The following SEPTIN14 variants were observed in gnomAD, a reference collection of about 807,000 sequenced individuals.
SEPTIN14 encodes the protein septin 14, also known as septin-14.
Under a neutral mutation model 53.6 loss-of-function variants are expected in SEPTIN14, and 40 were observed. That is an observed-to-expected ratio of 0.75 (90% confidence interval 0.58 to 0.97). The LOEUF (loss-of-function observed/expected upper bound fraction) is 0.97. Ranked by LOEUF, SEPTIN14 falls within the 50% of genes least tolerant of loss-of-function variation. SEPTIN14 has a pLI of 0.00. For missense variants in SEPTIN14, 471 were observed against 508.2 expected (o/e 0.93, Z 0.70); for synonymous variants, 138 against 166.8 (o/e 0.83, Z 1.33).
chr7:55,853,131 A>G (rs901234898), intron 2 of SEPTIN14, among the ~76,000 whole-genome samples: 3 of 152,204 alleles, frequency 2.0e-5, no homozygotes, highest in African/African-American at 7.2e-5. Flanking sequence ...AGGTACCTCA[A>G]AAAACTAAAA....
At chr7:55,831,760 A>G (rs1323077929) in intron 6 of SEPTIN14, among the ~76,000 whole-genome samples, 2 of 152,186 alleles carry the variant, frequency 1.3e-5, no homozygotes, top group African/African-American at 4.8e-5. Flanking sequence ...GAACACAAAC[A>G]ACTCAACAAC....
chr7:55,814,308 C>T (rs1788756759), intron 7 of SEPTIN14, among the ~76,000 whole-genome samples: 1 of 152,108 alleles, frequency 6.6e-6, no homozygotes, highest in Non-Finnish European at 1.5e-5. Context: ...TGAACATTGA[C>T]AAGCATCAAG....
intron 3 of SEPTIN14, among the ~76,000 whole-genome samples, chr7:55,846,064 A>AATATATATATATATATAT (rs1562718590): frequency 3.3e-3 from 24 of 7,376 alleles, no homozygotes; most frequent in Non-Finnish European, 7.6e-3. Flanking sequence ...AAAAAAAAAA[A>AATATATATATATATATAT]GTATATATAT....
Position 55,847,479 on chromosome 7 carries a change from A to T in SEPTIN14, c.55-842T>A, listed in dbSNP as rs946053977. On this transcript the variant is annotated intron_variant, in intron 2 of 9. Coordinates refer to ENST00000388975, the MANE Select transcript of SEPTIN14 (RefSeq NM_207366.3). Reference sequence around the variant, plus strand: ...AACTGCATTTAACACACATAACAAAACTGAACATTATAGCTCAGCTTTGCC... The same window carrying T: ...AACTGCATTTAACACACATAACAAATCTGAACATTATAGCTCAGCTTTGCC... Among the ~76,000 whole-genome samples the T allele has an allele frequency of 4.6e-5, 7 of 152,102 alleles. No individual in the cohort carries two copies. In the East Asian group the frequency reaches 9.6e-4, roughly 21 times the overall value.
chr7:55,830,343 ATATATATTTTTT>A (rs1212614453), intron 6 of SEPTIN14, among the ~76,000 whole-genome samples: 1 of 26,194 alleles, frequency 3.8e-5, no homozygotes, highest in African/African-American at 2.8e-4. Flanking sequence ...ATATATATAT[ATATATATTTTTT>A]TTTTTTTTTG....
intron 7 of SEPTIN14, among the ~76,000 whole-genome samples, chr7:55,809,897 A>G (rs539270553): frequency 2.1e-5 from 3 of 145,314 alleles, no homozygotes; most frequent in Non-Finnish European, 4.5e-5. Flanking sequence ...CAGTGGCGCA[A>G]TCTCGGCTCA....
chr7:55,826,548 AG>A (rs1000694137), intron 6 of SEPTIN14, among the ~76,000 whole-genome samples: 2 of 152,234 alleles, frequency 1.3e-5, no homozygotes, highest in Non-Finnish European at 2.9e-5. Context: ...CTGTAATCCC[AG>A]CACTTTGGGA....
At chr7:55,805,218 T>G (rs1208639995) in intron 9 of SEPTIN14, 40 bp downstream of exon 9, 4 of 1,567,326 alleles carry the variant, frequency 2.6e-6, no homozygotes, top group Non-Finnish European at 3.5e-6. Flanking sequence ...ATAGGGCACC[T>G]AAAAATTAAT....
chr7:55,814,930 G>T (rs1051956733), intron 7 of SEPTIN14, among the ~76,000 whole-genome samples: 1 of 151,962 alleles, frequency 6.6e-6, no homozygotes, highest in African/African-American at 2.4e-5. Flanking sequence ...GCATGGTACC[G>T]GCATAAAAAC....
intron 4 of SEPTIN14, among the ~76,000 whole-genome samples, chr7:55,843,333 T>C (rs1296630433): frequency 6.6e-6 from 1 of 152,064 alleles, no homozygotes; most frequent in Admixed American, 6.6e-5. Context: ...AATGTAAACA[T>C]AGAGGAAAGC....
At chr7:55,838,167 C>T (rs759564602) in intron 5 of SEPTIN14, among the ~76,000 whole-genome samples, 6 of 152,114 alleles carry the variant, frequency 3.9e-5, no homozygotes, top group Non-Finnish European at 7.4e-5. Context: ...TTTGCTGAAG[C>T]CATGGGGCTT....
chr7:55,805,111 A>G (rs1788591216), intron 9 of SEPTIN14, 147 bp downstream of exon 9: 4 of 603,138 alleles, frequency 6.6e-6, no homozygotes, highest in Non-Finnish European at 1.1e-5. Context: ...TGTAAAGGCT[A>G]TATTCAAGTC....
In SEPTIN14 at chr7:55,796,072, A is replaced by C. The variant is rs781377662; in HGVS notation, c.1140T>G (p.His380Gln). The change falls in exon 10 of 10, where the codon CAT becomes CAG. Residue 380 changes from histidine to glutamine, a missense_variant. His to Gln is a conservative substitution (Grantham distance 24). Transcript: ENST00000388975. ...TCTCCTCCTGTTGAATCATTTTAAG[A>C]TGCTCGAACTTGTCCTGCAGCTGTG... is the stretch of plus-strand genomic sequence containing the variant. ...AEKELQDKFE[H>Q]LKMIQQEEIR... The C allele has an allele frequency of 6.5e-7, 1 of 1,527,076 alleles. No homozygotes were observed. Among genetic ancestry groups the C allele is most frequent in the Non-Finnish European group, 8.9e-7 (1 of 1,117,356 alleles). 94.6% of individuals were successfully genotyped at this position (1,527,076 alleles called of 1,614,324 possible).
intron 5 of SEPTIN14, among the ~76,000 whole-genome samples, chr7:55,842,402 T>C (rs1789327320): frequency 6.6e-6 from 1 of 151,298 alleles, no homozygotes; most frequent in South Asian, 2.1e-4. Context: ...AGCCAGAAGT[T>C]CAAGTTCAGC....
At chr7:55,796,248 T>C (rs369570673) in intron 9 of SEPTIN14, among the ~76,000 whole-genome samples, 156 bp from the exon 10 acceptor site, 30 of 152,146 alleles carry the variant, frequency 2.0e-4, no homozygotes, top group African/African-American at 6.5e-4. Flanking sequence ...CACTGAGATA[T>C]GGAATTTTTC....
At position 55,795,855 on chromosome 7, in the gene SEPTIN14, AT is replaced by A; in HGVS notation, c.*57del. ...TTCAGAGTTAAATGCTACAAAGACA[AT>A]CTCACAGGAAGTTGCGATGTAGAAT... On this transcript the variant is annotated 3_prime_UTR_variant, in exon 10 of 10. Transcript: ENST00000388975. 8.1e-7 allele frequency: 1 copy of A among 1,228,194 alleles called. No homozygotes were observed. The highest frequency in any genetic ancestry group is 1.8e-5 in the Admixed American group (1 of 55,358). The allele number at this position is 1,228,194 out of a possible 1,614,324, so 76.1% of individuals were successfully genotyped here. A position where few individuals can be genotyped will look rare whatever the true frequency, so the allele number is the denominator to read the frequency against.
chr7:55,832,239 ACACAC>A (rs1584263590), intron 6 of SEPTIN14, among the ~76,000 whole-genome samples: 3 of 149,854 alleles, frequency 2.0e-5, no homozygotes, highest in South Asian at 2.1e-4. Flanking sequence ...ACACACACAC[ACACAC>A]AAAATAAGAT....
At position 55,805,507 on chromosome 7, in the gene SEPTIN14, CAG is replaced by C. The variant is rs1292027772; in HGVS notation, c.987-119_987-118del. 5 of 628,246 alleles carry C rather than the reference CAG, an allele frequency of 8.0e-6. No homozygotes were observed. The East Asian group carries it at 1.6e-4, about 20-fold the overall frequency. The allele number at this position is 628,246 out of a possible 1,614,324, so 38.9% of individuals were successfully genotyped here. The stretch of plus-strand genomic sequence containing the variant: ...TGCCACTGCACGTCAGCCTGGGAGA[CAG>C]AGTAAGACTCCATCATAAAAAAATA... On this transcript the variant is annotated intron_variant, in intron 8 of 9. Coordinates refer to ENST00000388975, the MANE Select transcript of SEPTIN14 (RefSeq NM_207366.3).
At chr7:55,843,374 G>A (rs1039512445) in intron 4 of SEPTIN14, among the ~76,000 whole-genome samples, 2 of 152,132 alleles carry the variant, frequency 1.3e-5, no homozygotes, top group African/African-American at 4.8e-5. Context: ...CTAGTATCCA[G>A]AATATACAAA....
Sources: gnomAD v4.1 joint callset for allele counts (sites outside exome capture counted in the v4.1 genomes callset) on GRCh38, gnomAD v4.1.1 for gene constraint, MANE v1.5 for transcripts, NCBI Gene and HGNC (gene_info 2026-07-23, HGNC 2026-07-21) for gene names.